Variants in INHBC observed in about 807,000 individuals in gnomAD.
The protein encoded by INHBC is inhibin beta C chain.
In INHBC, 10 loss-of-function variants were observed where a neutral mutation model predicts 12.4. The ratio of observed to expected loss-of-function variants is 0.81; its 90% CI spans 0.50 to 1.37. The LOEUF (loss-of-function observed/expected upper bound fraction) is 1.37. INHBC is among the 40% of genes most tolerant of loss of function. The probability of loss-of-function intolerance (pLI) is 0.00; values close to 1 mark genes in which losing one functional copy is unlikely to be tolerated. For synonymous variants in INHBC, 147 were observed against 171.6 expected (o/e 0.86, Z 1.12); for missense variants, 382 against 439.4 (o/e 0.87, Z 1.17).
intron 1 of INHBC, among the ~76,000 whole-genome samples, chr12:57,442,490 T>A (rs1870487070): frequency 6.6e-6 from 1 of 152,140 alleles, no homozygotes; most frequent in African/African-American, 2.4e-5. Context: ...TTTTAGGATT[T>A]TGGAATTGGG....
In INHBC at chr12:57,451,024, GAC is replaced by G. The variant is rs892783589; in HGVS notation, c.*1006_*1007del. On this transcript the variant is annotated 3_prime_UTR_variant, in exon 2 of 2. Coordinates refer to ENST00000309668, the MANE Select transcript of INHBC (RefSeq NM_005538.4). ...AAGGGCCCTAACTGGCACCCCAGAT[GAC>G]ACAGAGCCTGCCTGCTTATGCTGTA... Among the ~76,000 whole-genome samples the G allele has an allele frequency of 6.6e-6, 1 of 152,180 alleles. No homozygotes were observed. Among genetic ancestry groups the G allele is most frequent in the Non-Finnish European group, 1.5e-5 (1 of 68,026 alleles).
In INHBC at chr12:57,451,778, AC is replaced by A. The variant is rs898593105; in HGVS notation, c.*1758del. 9.0e-6 allele frequency: 4 copies of A among 446,200 alleles called. No individual in the cohort carries two copies. Among genetic ancestry groups the A allele is most frequent in the African/African-American group, 8.1e-5 (4 of 49,386 alleles). 27.6% of individuals were successfully genotyped at this position (446,200 alleles called of 1,614,324 possible). ...GTTATCCCACCTTTGACTTGAGGAGACCTTCATCTAAGGAGAATCTAAGGAG... is the reference window on the plus strand; with the variant it reads ...GTTATCCCACCTTTGACTTGAGGAGACTTCATCTAAGGAGAATCTAAGGAG... On this transcript the variant is annotated 3_prime_UTR_variant, in exon 2 of 2. Transcript: ENST00000309668.
chr12:57,450,202 A>G lies in INHBC; in HGVS notation c.*180A>G, dbSNP rs1870683147. 3.4e-6 allele frequency: 2 copies of G among 580,504 alleles called. No individual in the cohort carries two copies. The highest frequency in any genetic ancestry group is 4.0e-5 in the South Asian group (1 of 24,994). The allele number at this position is 580,504 out of a possible 1,614,324, so 36.0% of individuals were successfully genotyped here. A position where few individuals can be genotyped will look rare whatever the true frequency, so the allele number is the denominator to read the frequency against. On this transcript the variant is annotated 3_prime_UTR_variant, in exon 2 of 2. Coordinates refer to ENST00000309668, the MANE Select transcript of INHBC (RefSeq NM_005538.4). ...AAGAAACCTTCATCTAAAGCAAGTC[A>G]CTGTGCCATCTTCCTGACCACTACC...
chr12:57,441,525 C>CAAA (rs574320537), intron 1 of INHBC, among the ~76,000 whole-genome samples: 3 of 55,072 alleles, frequency 5.4e-5, no homozygotes, highest in Admixed American at 2.0e-4. Context: ...AACTCCGTCT[C>CAAA]AAAAAAAAAA....
At chr12:57,443,110 A>ACT (rs1870502623) in intron 1 of INHBC, among the ~76,000 whole-genome samples, 1 of 110,526 alleles carries the variant, frequency 9.0e-6, no homozygotes, top group South Asian at 2.8e-4. Context: ...ATAATAAAGC[A>ACT]CTCTTTTTTT....
intron 1 of INHBC, among the ~76,000 whole-genome samples, chr12:57,443,180 C>T (rs1253967750): frequency 8.3e-6 from 1 of 120,222 alleles, no homozygotes; most frequent in Non-Finnish European, 1.6e-5. Flanking sequence ...TGCAGTGGTG[C>T]GACCTCGGCT....
intron 1 of INHBC, among the ~76,000 whole-genome samples, chr12:57,442,970 G>C (rs1484370804): frequency 7.0e-6 from 1 of 142,842 alleles, no homozygotes; most frequent in East Asian, 2.2e-4. Flanking sequence ...CAGCCCAGGC[G>C]ACAAGAGTGA....
At chr12:57,448,001 CAT>C in intron 1 of INHBC, among the ~76,000 whole-genome samples, 1 of 140,092 alleles carries the variant, frequency 7.1e-6, no homozygotes, top group East Asian at 2.1e-4. Context: ...TGCATACACA[CAT>C]ATGTATTTAT....
intron 1 of INHBC, among the ~76,000 whole-genome samples, chr12:57,445,997 C>T (rs1288372834): frequency 2.0e-5 from 3 of 149,912 alleles, no homozygotes; most frequent in Non-Finnish European, 3.0e-5. Flanking sequence ...TGCAGTGGCG[C>T]GATGTCAGCT....
intron 1 of INHBC, among the ~76,000 whole-genome samples, chr12:57,438,210 A>G (rs1870388627): frequency 6.6e-6 from 1 of 152,200 alleles, no homozygotes; most frequent in Non-Finnish European, 1.5e-5. Context: ...TGGGGATAAT[A>G]AGAGGATAGT....
rs1378224244 is a variant in INHBC, at chr12:57,437,074, G to A, written c.313+1875G>A. On this transcript the variant is annotated intron_variant, in intron 1 of 1. Coordinates refer to ENST00000309668, the MANE Select transcript of INHBC (RefSeq NM_005538.4). ...GGCCTTGCAAAATGCTAAGATTACA[G>A]ACATGAGCCACCATCCCCGGGCTAA... Among the ~76,000 whole-genome samples the A allele has an allele frequency of 2.0e-5, 3 of 152,262 alleles. No individual in the cohort carries two copies. In the East Asian group the frequency reaches 5.8e-4, roughly 29 times the overall value.
chr12:57,442,778 T>C (rs1214618628), intron 1 of INHBC, among the ~76,000 whole-genome samples: 1 of 152,096 alleles, frequency 6.6e-6, no homozygotes, highest in East Asian at 1.9e-4. Context: ...TCACCTAAGG[T>C]CAGGAGTTCA....
At chr12:57,441,396 A>C (rs1258331520) in intron 1 of INHBC, among the ~76,000 whole-genome samples, 3 of 144,914 alleles carry the variant, frequency 2.1e-5, no homozygotes, top group African/African-American at 7.6e-5. Flanking sequence ...GTGGTGGTAC[A>C]TGCCTGTAAT....
chr12:57,437,796 G>T (rs1490593225), intron 1 of INHBC, among the ~76,000 whole-genome samples: 1 of 151,434 alleles, frequency 6.6e-6, no homozygotes, highest in Non-Finnish European at 1.5e-5. Flanking sequence ...TTGTTTGTTT[G>T]TTTGTTTGAG....
At chr12:57,448,042 C>T (rs1007426441) in intron 1 of INHBC, among the ~76,000 whole-genome samples, 2 of 149,982 alleles carry the variant, frequency 1.3e-5, no homozygotes, top group Admixed American at 1.3e-4. Context: ...GTTGCCTGGG[C>T]TGGTCTTGGG....
intron 1 of INHBC, among the ~76,000 whole-genome samples, chr12:57,445,037 C>T (rs1283329348): frequency 1.3e-5 from 2 of 152,090 alleles, no homozygotes; most frequent in African/African-American, 4.8e-5. Flanking sequence ...GAGGAGGAGA[C>T]ATCTGAGCCG....
At position 57,449,883 on chromosome 12, in the gene INHBC, C is replaced by T; in HGVS notation, c.920C>T (p.Ala307Val). 6.2e-7 allele frequency: 1 copy of T among 1,611,956 alleles called. No individual in the cohort carries two copies. The highest frequency in any genetic ancestry group is 1.3e-5 in the African/African-American group (1 of 75,044). The change falls in exon 2 of 2, where the codon GCT (alanine) becomes GTT (valine). Residue 307 changes from alanine to valine, a missense_variant. Coordinates refer to ENST00000309668, the MANE Select transcript of INHBC (RefSeq NM_005538.4). Reference protein sequence around the residue: ...AVLNLLKANTAAGTTGGGSCC... With the variant: ...AVLNLLKANTVAGTTGGGSCC... Reference sequence around the variant, plus strand: ...CTCAATCTTCTCAAGGCCAACACAGCTGCAGGCACCACTGGAGGGGGCTCA... The same window carrying T: ...CTCAATCTTCTCAAGGCCAACACAGTTGCAGGCACCACTGGAGGGGGCTCA...
intron 1 of INHBC, among the ~76,000 whole-genome samples, chr12:57,448,742 G>C (rs1362179623): frequency 6.6e-6 from 1 of 152,152 alleles, no homozygotes; most frequent in Admixed American, 6.6e-5. Flanking sequence ...AATTATAACA[G>C]AGTTGTGTCA....
At chr12:57,435,343 T>A in intron 1 of INHBC, 144 bp downstream of exon 1, 1 of 775,328 alleles carries the variant, frequency 1.3e-6, no homozygotes, top group Non-Finnish European at 2.0e-6. Flanking sequence ...TACCCAGGTG[T>A]CCCGACAACC....
Sources: gnomAD v4.1 joint callset for allele counts (sites outside exome capture counted in the v4.1 genomes callset) on GRCh38, gnomAD v4.1.1 for gene constraint, MANE v1.5 for transcripts, NCBI Gene and HGNC (gene_info 2026-07-23, HGNC 2026-07-21) for gene names.